ATP10B: variants seen among roughly 807,000 people sequenced by gnomAD.
ATP10B encodes the protein ATPase phospholipid transporting 10B (putative).
In ATP10B, 122 loss-of-function variants were observed where a neutral mutation model predicts 141.2. The ratio of observed to expected loss-of-function variants is 0.86; its 90% confidence interval spans 0.75 to 1.00. The LOEUF (loss-of-function observed/expected upper bound fraction) is 1.00, where lower values mean the gene tolerates loss of function less well. Ranked by LOEUF, ATP10B falls within the 50% of genes least tolerant of loss-of-function variation. ATP10B has a pLI of 0.00. For missense variants in ATP10B, 1,876 were observed against 1,825.3 expected (o/e 1.03, Z -0.51); for synonymous variants, 685 against 692.0 (o/e 0.99, Z 0.16).
At chr5:160,737,987 A>C (rs1767233925) in intron 2 of ATP10B, among the ~76,000 whole-genome samples, 1 of 152,126 alleles carries the variant, frequency 6.6e-6, no homozygotes, top group Non-Finnish European at 1.5e-5. Context: ...ATATAACCTA[A>C]CAACTCCAGC....
At chr5:160,691,226 G>A (rs1253700335) in intron 3 of ATP10B, among the ~76,000 whole-genome samples, 2 of 152,090 alleles carry the variant, frequency 1.3e-5, no homozygotes, top group Non-Finnish European at 2.9e-5. Flanking sequence ...GGCTAGGGGA[G>A]GGATAGCATT....
chr5:160,812,937 A>C (rs570450879), intron 1 of ATP10B, among the ~76,000 whole-genome samples: 211 of 152,352 alleles, frequency 1.4e-3, no homozygotes, highest in Non-Finnish European at 2.5e-3. Flanking sequence ...AATCCAAAGA[A>C]GACTACCTCA....
At chr5:160,793,546 C>A (rs1771740786) in intron 1 of ATP10B, among the ~76,000 whole-genome samples, 1 of 152,178 alleles carries the variant, frequency 6.6e-6, no homozygotes, top group Non-Finnish European at 1.5e-5. Flanking sequence ...GATGGTAGTC[C>A]TGTAAGGTTA....
At chr5:160,756,347 T>G (rs1363167121) in intron 2 of ATP10B, among the ~76,000 whole-genome samples, 2 of 152,200 alleles carry the variant, frequency 1.3e-5, no homozygotes, top group Admixed American at 1.3e-4. Context: ...TGTCTATAGG[T>G]CTTTGTGAGG....
chr5:160,792,305 G>T (rs1045268255), intron 1 of ATP10B, among the ~76,000 whole-genome samples: 1 of 152,120 alleles, frequency 6.6e-6, no homozygotes, highest in South Asian at 2.1e-4. Context: ...ACATATCAGA[G>T]AATGTGATCT....
chr5:160,900,908 G>GTTT, the ATP10B span, among the ~76,000 whole-genome samples: 9,255 of 88,912 alleles, frequency 0.1, 944 homozygotes, highest in East Asian at 0.23. Flanking sequence ...GGGTAGAGAA[G>GTTT]TTTTTTTTTT....
At chr5:160,630,522 T>C (rs1473583073) in intron 13 of ATP10B, among the ~76,000 whole-genome samples, 1 of 152,198 alleles carries the variant, frequency 6.6e-6, no homozygotes, top group African/African-American at 2.4e-5. Flanking sequence ...ATGCCTGTGG[T>C]ATCTAGAACT....
the ATP10B span, among the ~76,000 whole-genome samples, chr5:160,883,740 C>T: frequency 6.6e-6 from 1 of 151,938 alleles, no homozygotes; most frequent in African/African-American, 2.4e-5. Flanking sequence ...TATCAAAACA[C>T]ACGCAAAAAG....
the ATP10B span, among the ~76,000 whole-genome samples, chr5:160,862,877 T>C: frequency 6.6e-6 from 1 of 151,954 alleles, no homozygotes; most frequent in East Asian, 1.9e-4. Context: ...ATAGAAAATA[T>C]ATCTTACCTA....
At chr5:160,681,625 A>G (rs1406190052) in intron 6 of ATP10B, among the ~76,000 whole-genome samples, 1 of 152,212 alleles carries the variant, frequency 6.6e-6, no homozygotes, top group Non-Finnish European at 1.5e-5. Context: ...GCCCACCTCA[A>G]AAAAGCATCA....
intron 11 of ATP10B, among the ~76,000 whole-genome samples, chr5:160,635,189 C>T (rs1759268363): frequency 7.0e-6 from 1 of 143,304 alleles, no homozygotes. Flanking sequence ...TGCTTGTAAA[C>T]CATGACCTTT....
intron 24 of ATP10B, among the ~76,000 whole-genome samples, chr5:160,579,604 G>T (rs555316975): frequency 6.6e-6 from 1 of 152,228 alleles, no homozygotes; most frequent in South Asian, 2.1e-4. Flanking sequence ...GCAGCATGAG[G>T]CCTCCAGCTT....
At chr5:160,828,395 A>G (rs1305218921) in intron 1 of ATP10B, among the ~76,000 whole-genome samples, 8 of 152,128 alleles carry the variant, frequency 5.3e-5, no homozygotes, top group Non-Finnish European at 8.8e-5. Flanking sequence ...AAGTGGGCGA[A>G]GGACATGAAC....
At chr5:160,592,480 G>T (rs1169967784) in intron 22 of ATP10B, among the ~76,000 whole-genome samples, 1 of 152,240 alleles carries the variant, frequency 6.6e-6, no homozygotes, top group Non-Finnish European at 1.5e-5. Context: ...CTCCCAGCAT[G>T]AGCGACACAG....
intron 2 of ATP10B, among the ~76,000 whole-genome samples, chr5:160,765,467 C>T (rs921536317): frequency 3.9e-5 from 6 of 151,914 alleles, no homozygotes; most frequent in Admixed American, 1.3e-4. Flanking sequence ...ATGGGGGAAA[C>T]GACACCCTAT....
At chr5:160,800,856 T>C (rs1434315320) in intron 1 of ATP10B, among the ~76,000 whole-genome samples, 5 of 152,234 alleles carry the variant, frequency 3.3e-5, no homozygotes, top group Non-Finnish European at 5.9e-5. Context: ...GGCTGAGGTA[T>C]AGGCCTACTC....
chr5:160,775,531 A>G (rs543594890), intron 2 of ATP10B, among the ~76,000 whole-genome samples: 2 of 152,268 alleles, frequency 1.3e-5, no homozygotes, highest in African/African-American at 2.4e-5. Flanking sequence ...TTTTTGTTCT[A>G]TCTCCAATCC....
intron 1 of ATP10B, among the ~76,000 whole-genome samples, chr5:160,821,032 G>T (rs369215732): frequency 1.6e-4 from 24 of 152,156 alleles, no homozygotes; most frequent in Non-Finnish European, 3.1e-4. Context: ...ACAAGGGAAA[G>T]AAACCAAGCG....
intron 2 of ATP10B, among the ~76,000 whole-genome samples, chr5:160,769,719 A>G (rs1188480423): frequency 1.3e-5 from 2 of 152,218 alleles, no homozygotes; most frequent in Admixed American, 6.5e-5. Flanking sequence ...TCAAAAGGAA[A>G]CCATCTCATT....
Sources: allele counts gnomAD v4.1 joint callset (sites outside exome capture counted in the v4.1 genomes callset), GRCh38; gene constraint gnomAD v4.1.1; transcripts MANE v1.5; gene names NCBI Gene and HGNC (gene_info 2026-07-23, HGNC 2026-07-21).